Variants in DEFB4B observed in about 807,000 individuals in gnomAD.
DEFB4B encodes defensin beta 4B, also known as beta-defensin 4B.
At chr8:7,415,845 C>T (rs1394002454) in intron 1 of DEFB4B, among the ~76,000 whole-genome samples, 1 of 148,420 alleles carries the variant, frequency 6.7e-6, no homozygotes, top group Non-Finnish European at 1.5e-5. Flanking sequence ...CCTCTCAGAA[C>T]CCCATTGTTC....
At position 7,415,750 on chromosome 8, in the gene DEFB4B, C is replaced by CGCCTCCCTGCCTCCCT. The variant is rs761590005; in HGVS notation, c.59-669_59-654dup. Among the ~76,000 whole-genome samples, 239 of 129,572 alleles carry CGCCTCCCTGCCTCCCT rather than the reference C, an allele frequency of 1.8e-3. 1 individual carries two copies. The highest frequency in any genetic ancestry group is 6.2e-3 in the African/African-American group (209 of 33,794). The allele number at this position is 129,572 out of a possible 152,430, so 85.0% of individuals were successfully genotyped here. ...TTCCCTCCCTCCCTCCCCACCTGCC[C>CGCCTCCCTGCCTCCCT]GCCTCCCTGCCTCCCTGCCTCCCTG... On this transcript the variant is annotated intron_variant, in intron 1 of 1. Coordinates refer to ENST00000318157, the MANE Select transcript of DEFB4B (RefSeq NM_001205266.2).
intron 1 of DEFB4B, among the ~76,000 whole-genome samples, chr8:7,416,311 C>T (rs1231517409): frequency 3.3e-5 from 5 of 151,828 alleles, no homozygotes; most frequent in African/African-American, 9.7e-5. Flanking sequence ...AAAATTTCTG[C>T]CTTTTATTTA....
intron 1 of DEFB4B, among the ~76,000 whole-genome samples, chr8:7,416,566 GGA>G (rs1808876533): frequency 6.7e-6 from 1 of 149,568 alleles, no homozygotes; most frequent in African/African-American, 2.5e-5. Flanking sequence ...CATGCTCTAG[GGA>G]GAGAGGAAAA....
chr8:7,415,711 CCCT>C (rs1808814310), intron 1 of DEFB4B, among the ~76,000 whole-genome samples: 1 of 123,192 alleles, frequency 8.1e-6, no homozygotes, highest in Non-Finnish European at 1.7e-5. Context: ...CTCCCTCCCT[CCCT>C]CCCTCCCTCC....
intron 1 of DEFB4B, among the ~76,000 whole-genome samples, 165 bp downstream of exon 1, chr8:7,416,605 G>C (rs1471245420): frequency 6.8e-6 from 1 of 147,886 alleles, no homozygotes; most frequent in Admixed American, 6.9e-5. Flanking sequence ...AGAGAGAGAG[G>C]GAAGAAGAGA....
chr8:7,416,157 T>C (rs1161621581), intron 1 of DEFB4B, among the ~76,000 whole-genome samples: 1 of 150,914 alleles, frequency 6.6e-6, no homozygotes, highest in African/African-American at 2.4e-5. Context: ...AGAAAAGTCC[T>C]GGGGGCAGAG....
chr8:7,416,252 A>C (rs1432839908), intron 1 of DEFB4B, among the ~76,000 whole-genome samples: 2 of 151,674 alleles, frequency 1.3e-5, no homozygotes, highest in African/African-American at 4.9e-5. Context: ...CCCTTTAAAT[A>C]TAAAAATTTA....
rs866063497 is a variant in DEFB4B at position 7,415,679 on chromosome 8, T to C, written c.59-582A>G. Among the ~76,000 whole-genome samples, 44 of 142,410 alleles carry C rather than the reference T, an allele frequency of 3.1e-4. 1 individual carries two copies. The highest frequency in any genetic ancestry group is 1.0e-3 in the African/African-American group (40 of 38,360). The allele number at this position is 142,410 out of a possible 152,430, so 93.4% of individuals were successfully genotyped here. On this transcript the variant is annotated intron_variant, in intron 1 of 1. Coordinates refer to ENST00000318157, the MANE Select transcript of DEFB4B (RefSeq NM_001205266.2). Reference sequence around the variant, plus strand: ...CTAAGTCCTGGTTTCAACCTCATTCTTCTTTTTTTATCCCTCCCTCCCTCC... The same window carrying C: ...CTAAGTCCTGGTTTCAACCTCATTCCTCTTTTTTTATCCCTCCCTCCCTCC...
At chr8:7,416,550 G>T (rs1215217377) in intron 1 of DEFB4B, among the ~76,000 whole-genome samples, 1 of 150,706 alleles carries the variant, frequency 6.6e-6, no homozygotes. Context: ...GAGAAAGAAA[G>T]AAAGACATGC....
At chr8:7,415,681 C>G (rs548181986) in intron 1 of DEFB4B, among the ~76,000 whole-genome samples, 113 of 140,522 alleles carry the variant, frequency 8.0e-4, no homozygotes, top group African/African-American at 2.9e-3. Context: ...CCTCATTCTT[C>G]TTTTTTTATC....
chr8:7,415,248 G>C (rs1808783846), intron 1 of DEFB4B, among the ~76,000 whole-genome samples, 151 bp from the exon 2 acceptor site: 1 of 148,110 alleles, frequency 6.8e-6, no homozygotes, highest in Non-Finnish European at 1.5e-5. Flanking sequence ...ATGATAATGA[G>C]ACGCGAGTCA....
chr8:7,415,222 CCTGGGCTTTTCCAT>C, intron 1 of DEFB4B, 125 bp from the exon 2 acceptor site: 1 of 505,776 alleles, frequency 2.0e-6, no homozygotes, highest in Non-Finnish European at 3.5e-6. Context: ...CTTTCTCAAG[CCTGGGCTTTTCCAT>C]CATGATAATG....
intron 1 of DEFB4B, among the ~76,000 whole-genome samples, chr8:7,415,780 C>T (rs1220126899): frequency 6.8e-6 from 1 of 146,674 alleles, no homozygotes; most frequent in East Asian, 2.0e-4. Context: ...TCCCTGCCTC[C>T]CCGCCTTCCT....
At chr8:7,416,417 T>A (rs1336620583) in intron 1 of DEFB4B, among the ~76,000 whole-genome samples, 1 of 151,800 alleles carries the variant, frequency 6.6e-6, no homozygotes, top group Non-Finnish European at 1.5e-5. Context: ...CTCCTTCATA[T>A]TGGCTTAGAA....
intron 1 of DEFB4B, among the ~76,000 whole-genome samples, chr8:7,415,689 A>ATCTC (rs1808809654): frequency 1.5e-5 from 1 of 67,366 alleles, no homozygotes; most frequent in Admixed American, 1.7e-4. Flanking sequence ...TTCTTTTTTT[A>ATCTC]TCCCTCCCTC....
At chr8:7,415,758 T>TGCCTCCCG (rs1808821961) in intron 1 of DEFB4B, among the ~76,000 whole-genome samples, 1 of 119,192 alleles carries the variant, frequency 8.4e-6, no homozygotes, top group Non-Finnish European at 1.7e-5. Context: ...CCCGCCTCCC[T>TGCCTCCCG]GCCTCCCTGC....
chr8:7,415,831 G>T (rs1250952358), intron 1 of DEFB4B, among the ~76,000 whole-genome samples: 7 of 148,222 alleles, frequency 4.7e-5, no homozygotes, highest in African/African-American at 1.7e-4. Flanking sequence ...TGAGGTCTCT[G>T]GTGCCTCTCA....
chr8:7,415,367 TG>T (rs1396246087), intron 1 of DEFB4B, among the ~76,000 whole-genome samples: 4 of 151,260 alleles, frequency 2.6e-5, no homozygotes, highest in South Asian at 4.2e-4. Context: ...CCTGAGTGAC[TG>T]GGGCCTCCAG....
intron 1 of DEFB4B, among the ~76,000 whole-genome samples, chr8:7,415,765 C>T (rs1389990260): frequency 1.4e-5 from 2 of 145,410 alleles, no homozygotes; most frequent in Admixed American, 7.1e-5. Flanking sequence ...CCCTGCCTCC[C>T]TGCCTCCCTG....
Sources: allele counts gnomAD v4.1 joint callset (sites outside exome capture counted in the v4.1 genomes callset), GRCh38; gene constraint gnomAD v4.1.1; transcripts MANE v1.5; gene names NCBI Gene and HGNC (gene_info 2026-07-23, HGNC 2026-07-21).